Variants in IMMP2L observed in about 807,000 individuals in gnomAD.
The protein encoded by IMMP2L is mitochondrial inner membrane protease subunit 2.
Under a neutral mutation model 19.3 loss-of-function variants are expected in IMMP2L, and 18 were observed. The observed-to-expected ratio is 0.93, with a 90% CI of 0.64 to 1.38. The LOEUF (loss-of-function observed/expected upper bound fraction) is 1.38. IMMP2L is among the 40% of genes most tolerant of loss of function. The pLI, the probability that IMMP2L is intolerant of heterozygous loss-of-function variation, is 0.00. For missense variants in IMMP2L, 233 were observed against 218.2 expected, an observed-to-expected ratio of 1.07 and a Z score of -0.43; for synonymous variants, 76 against 73.0, an observed-to-expected ratio of 1.04 and a Z score of -0.21.
In IMMP2L at chr7:110,908,881, G is replaced by A. The variant is rs376876045; in HGVS notation, c.306-22186C>T. On this transcript the variant is annotated intron_variant, in intron 4 of 5. Transcript: ENST00000405709. The stretch of plus-strand genomic sequence containing the variant: ...GCCATGCACTGGGATGCAAAAATGT[G>A]CAAAAACCAATACACTCTCAAGGAA... 1.8e-3 allele frequency among the ~76,000 whole-genome samples: 279 copies of A among 152,258 alleles called. 13 individuals are homozygous for A. In the South Asian group the frequency reaches 0.056, roughly 30 times the overall value.
chr7:111,465,501 T>TG (rs893951434), intron 3 of IMMP2L, among the ~76,000 whole-genome samples: 5 of 64,286 alleles, frequency 7.8e-5, no homozygotes, highest in African/African-American at 1.5e-4. Context: ...CAGGTGTCAC[T>TG]AAAAAAAAAA....
At chr7:111,328,870 C>T (rs527296482) in intron 3 of IMMP2L, among the ~76,000 whole-genome samples, 2 of 151,792 alleles carry the variant, frequency 1.3e-5, no homozygotes, top group East Asian at 3.9e-4. Context: ...TGATGCACCA[C>T]ACTTAAAAAG....
chr7:110,828,118 C>A (rs1803665805), intron 5 of IMMP2L, among the ~76,000 whole-genome samples: 1 of 152,036 alleles, frequency 6.6e-6, no homozygotes. Context: ...TGTAAATGAC[C>A]AGACTAAACA....
At chr7:110,786,232 A>G (rs1017575696) in intron 5 of IMMP2L, among the ~76,000 whole-genome samples, 1 of 152,016 alleles carries the variant, frequency 6.6e-6, no homozygotes, top group African/African-American at 2.4e-5. Flanking sequence ...AATATAATAC[A>G]TAGTTACTTG....
At chr7:111,274,782 A>G (rs953088170) in intron 3 of IMMP2L, among the ~76,000 whole-genome samples, 3 of 152,212 alleles carry the variant, frequency 2.0e-5, no homozygotes, top group Non-Finnish European at 4.4e-5. Flanking sequence ...GCAAACAGGC[A>G]CATGTCCCAG....
At chr7:110,701,371 C>T (rs1419803397) in intron 5 of IMMP2L, among the ~76,000 whole-genome samples, 1 of 152,046 alleles carries the variant, frequency 6.6e-6, no homozygotes, top group Non-Finnish European at 1.5e-5. Context: ...ATTTTAAATG[C>T]TTTACATATA....
At chr7:111,481,760 AT>A (rs1842209980) in intron 3 of IMMP2L, among the ~76,000 whole-genome samples, 1 of 152,060 alleles carries the variant, frequency 6.6e-6, no homozygotes, top group Admixed American at 6.5e-5. Flanking sequence ...AGACTTTGGG[AT>A]TTTATCTTAG....
At chr7:111,346,798 T>C (rs1827609886) in intron 3 of IMMP2L, among the ~76,000 whole-genome samples, 1 of 152,126 alleles carries the variant, frequency 6.6e-6, no homozygotes, top group African/African-American at 2.4e-5. Context: ...TTGTAAGCTG[T>C]GGTATAGCAG....
chr7:110,855,222 G>GA (rs1806638409), intron 5 of IMMP2L, among the ~76,000 whole-genome samples: 1 of 151,826 alleles, frequency 6.6e-6, no homozygotes, highest in African/African-American at 2.4e-5. Flanking sequence ...GCTGCTAACA[G>GA]AAAAAAACAA....
intron 4 of IMMP2L, among the ~76,000 whole-genome samples, chr7:110,912,893 C>T (rs1038715997): frequency 6.6e-6 from 1 of 151,958 alleles, no homozygotes; most frequent in African/African-American, 2.4e-5. Flanking sequence ...TGCATCTCCT[C>T]AGCAACTACA....
intron 3 of IMMP2L, among the ~76,000 whole-genome samples, chr7:110,982,317 C>T (rs559926079): frequency 6.6e-6 from 1 of 152,284 alleles, no homozygotes; most frequent in South Asian, 2.1e-4. Context: ...CAGGAAGAGG[C>T]TTCCATTGAT....
intron 3 of IMMP2L, among the ~76,000 whole-genome samples, chr7:111,378,589 T>C (rs1334707943): frequency 6.6e-6 from 1 of 152,018 alleles, no homozygotes; most frequent in Admixed American, 6.6e-5. Context: ...AAGTCAAGTC[T>C]TTCTATCTCT....
chr7:111,375,388 G>A (rs1208151090), intron 3 of IMMP2L, among the ~76,000 whole-genome samples: 1 of 152,006 alleles, frequency 6.6e-6, no homozygotes, highest in Admixed American at 6.6e-5. Flanking sequence ...CAACTGGCTC[G>A]TTCATAATAT....
intron 3 of IMMP2L, among the ~76,000 whole-genome samples, chr7:111,188,113 T>TTATAG (rs1389103231): frequency 5.3e-5 from 8 of 152,102 alleles, no homozygotes; most frequent in Non-Finnish European, 8.8e-5. Context: ...AGCTTGCCAG[T>TTATAG]CTACCGCTCC....
At chr7:111,197,789 T>C (rs1809668214) in intron 3 of IMMP2L, among the ~76,000 whole-genome samples, 1 of 152,180 alleles carries the variant, frequency 6.6e-6, no homozygotes, top group African/African-American at 2.4e-5. Context: ...AAGACTAAAA[T>C]TGCAGTTTAA....
intron 3 of IMMP2L, among the ~76,000 whole-genome samples, chr7:111,404,956 T>A (rs866123913): frequency 6.6e-6 from 1 of 152,206 alleles, no homozygotes; most frequent in East Asian, 1.9e-4. Flanking sequence ...CTGTTACTTA[T>A]AGCAACGTCA....
At chr7:111,467,783 A>G (rs1203403979) in intron 3 of IMMP2L, among the ~76,000 whole-genome samples, 1 of 152,194 alleles carries the variant, frequency 6.6e-6, no homozygotes, top group Non-Finnish European at 1.5e-5. Context: ...CTCCCGAAGT[A>G]GAAGCAAAAA....
chr7:111,097,575 TTTC>T (rs1396090964), intron 3 of IMMP2L, among the ~76,000 whole-genome samples: 1 of 151,764 alleles, frequency 6.6e-6, no homozygotes, highest in Non-Finnish European at 1.5e-5. Flanking sequence ...TCAGCTTACC[TTTC>T]TTAAGGAAAA....
chr7:111,114,475 C>G (rs932711331), intron 3 of IMMP2L, among the ~76,000 whole-genome samples: 1 of 152,132 alleles, frequency 6.6e-6, no homozygotes, highest in African/African-American at 2.4e-5. Flanking sequence ...CAGTGACCCA[C>G]ACCTGTAATC....
Sources: allele counts gnomAD v4.1 joint callset (sites outside exome capture counted in the v4.1 genomes callset), GRCh38; gene constraint gnomAD v4.1.1; transcripts MANE v1.5; gene names NCBI Gene and HGNC (gene_info 2026-07-23, HGNC 2026-07-21).